Variants in NAB1 observed in about 807,000 individuals in gnomAD.
NAB1 encodes the protein NGFI-A-binding protein 1.
Under a neutral mutation model 49.9 loss-of-function variants are expected in NAB1, and 25 were observed. The observed-to-expected ratio is 0.50, with a 90% CI of 0.37 to 0.70. The LOEUF is 0.70. Among genes scored for constraint, NAB1 ranks in the 30% least tolerant of loss-of-function variants. The pLI is 0.00. For missense variants in NAB1, 489 were observed against 575.9 expected (o/e 0.85, Z 1.54); for synonymous variants, 198 against 215.6 (o/e 0.92, Z 0.71).
Position 190,674,016 on chromosome 2 carries a change from CTA to C in NAB1, c.1005+866_1005+867del, listed in dbSNP as rs1247654344. On this transcript the variant is annotated intron_variant, in intron 6 of 9. Coordinates refer to ENST00000337386, the MANE Select transcript of NAB1 (RefSeq NM_005966.4). The surrounding 1 kb of genome is among the most constrained non-coding windows in gnomAD (Gnocchi z 5.7). Reference sequence around the variant, plus strand: ...TTAATTTCAAGTTAAAGCAAATAATCTATGCTTGACCACCCTAAATTTCTGTC... The same window carrying C: ...TTAATTTCAAGTTAAAGCAAATAATCTGCTTGACCACCCTAAATTTCTGTC... 6.6e-6 allele frequency among the ~76,000 whole-genome samples: 1 copy of C among 152,162 alleles called. No homozygotes were observed. Among genetic ancestry groups the C allele is most frequent in the Non-Finnish European group, 1.5e-5 (1 of 68,026 alleles).
rs1172574072 is a variant in NAB1, at chr2:190,666,235, A to C, written c.820-4091A>C. On this transcript the variant is annotated intron_variant, in intron 4 of 9. Transcript: ENST00000337386. This position sits in a 1 kb window ranked among gnomAD's most constrained non-coding sequence, Gnocchi z 5.6. ...ATTGCCTTTTGAGCCTCCCTATCAC[A>C]CAGTTGTTCACAGTGTTTTTGTGCC... Among the ~76,000 whole-genome samples the C allele has an allele frequency of 2.0e-5, 3 of 152,106 alleles. No individual in the cohort carries two copies. The highest frequency in any genetic ancestry group is 2.0e-4 in the Admixed American group (3 of 15,270).
Position 190,680,833 on chromosome 2 carries a change from C to G in NAB1, c.1006-2905C>G, listed in dbSNP as rs886527897. Among the ~76,000 whole-genome samples, 4 of 151,734 alleles carry G rather than the reference C, an allele frequency of 2.6e-5. No individual in the cohort carries two copies. Among genetic ancestry groups the G allele is most frequent in the Non-Finnish European group, 5.9e-5 (4 of 68,022 alleles). On this transcript the variant is annotated intron_variant, in intron 6 of 9. Transcript: ENST00000337386. The surrounding 1 kb of genome is among the most constrained non-coding windows in gnomAD (Gnocchi z 5.2). The stretch of plus-strand genomic sequence containing the variant: ...TAAATCTGGTGGCTTTTTGGATGAA[C>G]TTAACAGATATCAGTAACAAACATT...
chr2:190,666,441 T>C lies in NAB1; in HGVS notation c.820-3885T>C, dbSNP rs1433902475. Among the ~76,000 whole-genome samples the C allele has an allele frequency of 6.6e-6, 1 of 152,088 alleles. No homozygotes were observed. The highest frequency in any genetic ancestry group is 1.5e-5 in the Non-Finnish European group (1 of 68,016). ...ACTTTAAGAGGCCGGGCATGGTGGCTCACGCCTGTAATCCCAGCACTTTGG... is the reference window on the plus strand; with the variant it reads ...ACTTTAAGAGGCCGGGCATGGTGGCCCACGCCTGTAATCCCAGCACTTTGG... On this transcript the variant is annotated intron_variant, in intron 4 of 9. Coordinates refer to ENST00000337386, the MANE Select transcript of NAB1 (RefSeq NM_005966.4). This position sits in a 1 kb window ranked among gnomAD's most constrained non-coding sequence, Gnocchi z 5.6.
At chr2:190,672,045 A>T (rs887758555) in intron 5 of NAB1, among the ~76,000 whole-genome samples, 5 of 152,076 alleles carry the variant, frequency 3.3e-5, no homozygotes, top group Non-Finnish European at 7.4e-5. Flanking sequence ...AAGTGCTGGG[A>T]TTACAGGCGT....
Position 190,678,826 on chromosome 2 carries a change from A to G in NAB1, c.1006-4912A>G, listed in dbSNP as rs576680919. 4.6e-5 allele frequency among the ~76,000 whole-genome samples: 7 copies of G among 152,354 alleles called. No individual in the cohort carries two copies. The highest frequency in any genetic ancestry group is 7.2e-5 in the African/African-American group (3 of 41,584). ...AAAAACAGAAGCATTACAATATGCTATTCATACAGAAAGTGTGATTAGAAA... is the reference window on the plus strand; with the variant it reads ...AAAAACAGAAGCATTACAATATGCTGTTCATACAGAAAGTGTGATTAGAAA... On this transcript the variant is annotated intron_variant, in intron 6 of 9. Coordinates refer to ENST00000337386, the MANE Select transcript of NAB1 (RefSeq NM_005966.4). This position sits in a 1 kb window ranked among gnomAD's most constrained non-coding sequence, Gnocchi z 4.9.
In NAB1 at chr2:190,685,305, A is replaced by G. The variant is rs1045268858; in HGVS notation, c.1096-171A>G. On this transcript the variant is annotated intron_variant, in intron 7 of 9. Coordinates refer to ENST00000337386, the MANE Select transcript of NAB1 (RefSeq NM_005966.4). The surrounding 1 kb of genome is among the most constrained non-coding windows in gnomAD (Gnocchi z 4.5). ...AATATCCAGCCTTTTATGTTTTAAC[A>G]TGATGATATAGACATCTATGCATAT... is the stretch of plus-strand genomic sequence containing the variant. 2.0e-5 allele frequency among the ~76,000 whole-genome samples: 3 copies of G among 152,248 alleles called. No homozygotes were observed. The highest frequency in any genetic ancestry group is 2.1e-4 in the South Asian group (1 of 4,838).
At position 190,690,444 on chromosome 2, in the gene NAB1, T is replaced by C. The variant is rs1211562472; in HGVS notation, c.*111T>C. The C allele has an allele frequency of 7.3e-6, 6 of 826,832 alleles. No individual in the cohort carries two copies. Among genetic ancestry groups the C allele is most frequent in the Non-Finnish European group, 1.2e-5 (6 of 503,402 alleles). The allele number at this position is 826,832 out of a possible 1,614,324, so 51.2% of individuals were successfully genotyped here. A position where few individuals can be genotyped will look rare whatever the true frequency, so the allele number is the denominator to read the frequency against. On this transcript the variant is annotated 3_prime_UTR_variant, in exon 10 of 10. Transcript: ENST00000337386. Reference sequence around the variant, plus strand: ...TTGCCTCATTCAGCTCAAACAGATTTCATAGCCAAAGCAAAAGGACTGGTA... The same window carrying C: ...TTGCCTCATTCAGCTCAAACAGATTCCATAGCCAAAGCAAAAGGACTGGTA...
In NAB1 at chr2:190,659,048, G is replaced by A. The variant is rs1332533796; in HGVS notation, c.-19-110G>A. 1.5e-5 allele frequency: 10 copies of A among 681,454 alleles called. No individual in the cohort carries two copies. The Admixed American group carries it at 1.5e-4, about 10-fold the overall frequency. The allele number at this position is 681,454 out of a possible 1,614,324, so 42.2% of individuals were successfully genotyped here. ...GAATGCTGCCTTCACAGGCAGTCAC[G>A]ATGCAGATGCTTCTCGTTTTTGTTC... On this transcript the variant is annotated intron_variant, in intron 3 of 9. Transcript: ENST00000337386. The surrounding 1 kb of genome is among the most constrained non-coding windows in gnomAD (Gnocchi z 6.2).
Position 190,669,256 on chromosome 2 carries a change from A to G in NAB1, c.820-1070A>G, listed in dbSNP as rs1694680980. Among the ~76,000 whole-genome samples, 1 of 152,248 alleles carries G rather than the reference A, an allele frequency of 6.6e-6. No homozygotes were observed. The highest frequency in any genetic ancestry group is 1.5e-5 in the Non-Finnish European group (1 of 68,046). On this transcript the variant is annotated intron_variant, in intron 4 of 9. Transcript: ENST00000337386. This position sits in a 1 kb window ranked among gnomAD's most constrained non-coding sequence, Gnocchi z 4.3. Reference sequence around the variant, plus strand: ...TTTTGGGTCCCAGTTGACCACAGGTAACTGAAACCTCAGACAGCAAAACTG... The same window carrying G: ...TTTTGGGTCCCAGTTGACCACAGGTGACTGAAACCTCAGACAGCAAAACTG...
intron 9 of NAB1, 146 bp downstream of exon 9, chr2:190,687,463 G>A (rs1695675747): frequency 3.8e-6 from 2 of 520,996 alleles, no homozygotes; most frequent in Non-Finnish European, 3.3e-6. Context: ...TCCCTAACTG[G>A]AAAATTCGAA....
chr2:190,661,221 G>C (rs1694209764), intron 4 of NAB1, among the ~76,000 whole-genome samples: 1 of 152,186 alleles, frequency 6.6e-6, no homozygotes, highest in Non-Finnish European at 1.5e-5. Flanking sequence ...ATGAGCCACT[G>C]TACCTAGCCT....
rs763112227 is a variant in NAB1 at position 190,670,364 on chromosome 2, G to A, written c.858G>A (p.Lys286=). 2.0e-5 allele frequency: 33 copies of A among 1,613,868 alleles called. No homozygotes were observed. The highest frequency in any genetic ancestry group is 2.8e-5 in the Non-Finnish European group (33 of 1,179,924). The change falls in exon 5 of 10, where the codon AAG becomes AAA. Residue 286 remains lysine (K), a synonymous_variant. Coordinates refer to ENST00000337386, the MANE Select transcript of NAB1 (RefSeq NM_005966.4). This position sits in a 1 kb window ranked among gnomAD's most constrained non-coding sequence, Gnocchi z 5.3. ...VNEAAAQLCV[K]DNALLTRRDE... is the part of the protein sequence containing the mutation. ...AAGCGGCTGCTCAACTCTGTGTGAA[G>A]GATAATGCCCTGCTGACAAGAAGAG... is the stretch of plus-strand genomic sequence containing the variant.
At position 190,685,431 on chromosome 2, in the gene NAB1, C is replaced by T; in HGVS notation, c.1096-45C>T. ...TGGCATCTTTAAACCATTAAAAAAT[C>T]TAGAATGTTTCAGTTACTGATTTGA... On this transcript the variant is annotated intron_variant, in intron 7 of 9. Coordinates refer to ENST00000337386, the MANE Select transcript of NAB1 (RefSeq NM_005966.4). The surrounding 1 kb of genome is among the most constrained non-coding windows in gnomAD (Gnocchi z 4.5). 1 of 1,524,298 alleles carries T rather than the reference C, an allele frequency of 6.6e-7. No individual in the cohort carries two copies. 94.4% of individuals were successfully genotyped at this position (1,524,298 alleles called of 1,614,324 possible).
At chr2:190,660,062 T>C (rs1694142927) in intron 4 of NAB1, 67 bp downstream of exon 4, 1 of 1,449,048 alleles carries the variant, frequency 6.9e-7, no homozygotes, top group African/African-American at 1.4e-5. Context: ...GAGATAAATT[T>C]GGTAATAGTT....
In NAB1 at chr2:190,679,233, T is replaced by C. The variant is rs868279389; in HGVS notation, c.1006-4505T>C. On this transcript the variant is annotated intron_variant, in intron 6 of 9. Transcript: ENST00000337386. This position sits in a 1 kb window ranked among gnomAD's most constrained non-coding sequence, Gnocchi z 5.3. ...ACCAGTTTCTTGGGAATGTTCTTAC[T>C]TTTATTTCTAAGTCATATATTTTGG... Among the ~76,000 whole-genome samples, 4 of 152,232 alleles carry C rather than the reference T, an allele frequency of 2.6e-5. No individual in the cohort carries two copies. Among genetic ancestry groups the C allele is most frequent in the Non-Finnish European group, 5.9e-5 (4 of 68,044 alleles).
rs566160632 is a variant in NAB1, at chr2:190,670,791, C to T, written c.953+332C>T. ...GCATTTATAGACGTATTTGTACACC[C>T]GCTAACTACGTGAACTTGTTGAACT... On this transcript the variant is annotated intron_variant, in intron 5 of 9. Coordinates refer to ENST00000337386, the MANE Select transcript of NAB1 (RefSeq NM_005966.4). The surrounding 1 kb of genome is among the most constrained non-coding windows in gnomAD (Gnocchi z 5.3). 7.2e-5 allele frequency among the ~76,000 whole-genome samples: 11 copies of T among 152,292 alleles called. No homozygotes were observed. The South Asian group carries it at 2.1e-3, about 29-fold the overall frequency.
In NAB1 at chr2:190,675,031, TC is replaced by T. The variant is rs1418910821; in HGVS notation, c.1005+1884del. Among the ~76,000 whole-genome samples, 3 of 152,196 alleles carry T rather than the reference TC, an allele frequency of 2.0e-5. No homozygotes were observed. Among genetic ancestry groups the T allele is most frequent in the Non-Finnish European group, 4.4e-5 (3 of 68,036 alleles). ...ACTAGTGAGATGTTTTATCTCTTGCTCCCCCAGATAACAGGTAACAGAGGGT... is the reference window on the plus strand; with the variant it reads ...ACTAGTGAGATGTTTTATCTCTTGCTCCCCAGATAACAGGTAACAGAGGGT... On this transcript the variant is annotated intron_variant, in intron 6 of 9. Transcript: ENST00000337386. The surrounding 1 kb of genome is among the most constrained non-coding windows in gnomAD (Gnocchi z 5.2).
rs13386084 is a variant in NAB1, at chr2:190,687,431, C to T, written c.1375+114C>T. 5.6e-3 allele frequency: 3,546 copies of T among 630,166 alleles called. 114 individuals are homozygous for T. In the African/African-American group the frequency reaches 0.066, roughly 12 times the overall value. The allele number at this position is 630,166 out of a possible 1,614,324, so 39.0% of individuals were successfully genotyped here. The stretch of plus-strand genomic sequence containing the variant: ...AAAAAAAAAAAAAAGTCATTACTGA[C>T]AGTGTTCCTACAGGTTGAGTATCCC... On this transcript the variant is annotated intron_variant, in intron 9 of 9. Transcript: ENST00000337386.
At position 190,680,147 on chromosome 2, in the gene NAB1, G is replaced by A. The variant is rs766935466; in HGVS notation, c.1006-3591G>A. On this transcript the variant is annotated intron_variant, in intron 6 of 9. Coordinates refer to ENST00000337386, the MANE Select transcript of NAB1 (RefSeq NM_005966.4). The surrounding 1 kb of genome is among the most constrained non-coding windows in gnomAD (Gnocchi z 5.2). ...TCACCACCCTGAACTCCCCTCCTCC[G>A]CGTACATTCTCCCCATCACATTCAC... Among the ~76,000 whole-genome samples, 4 of 152,114 alleles carry A rather than the reference G, an allele frequency of 2.6e-5. No homozygotes were observed. Among genetic ancestry groups the A allele is most frequent in the Admixed American group, 6.5e-5 (1 of 15,276 alleles).
Sources: gnomAD v4.1 joint callset for allele counts (sites outside exome capture counted in the v4.1 genomes callset) on GRCh38, gnomAD v4.1.1 for gene constraint, Gnocchi (gnomAD v3.1) non-coding constraint, MANE v1.5 for transcripts, NCBI Gene and HGNC (gene_info 2026-07-23, HGNC 2026-07-21) for gene names.